The following COG3 variants were observed in gnomAD, a reference collection of about 807,000 sequenced individuals.
COG3 encodes component of oligomeric golgi complex 3.
COG3 carries 32 observed loss-of-function variants against 114.1 expected under a neutral mutation model. The observed-to-expected ratio is 0.28, with a 90% CI of 0.21 to 0.38. The LOEUF (loss-of-function observed/expected upper bound fraction) is 0.38. Among genes scored for constraint, COG3 ranks in the 10% least tolerant of loss-of-function variants. The pLI is 1.00. For synonymous variants in COG3, 352 were observed against 365.7 expected (o/e 0.96, Z 0.43); for missense variants, 813 against 973.2 (o/e 0.84, Z 2.19).
rs547890193 is a variant in COG3, at chr13:45,510,795, T to TA, written c.1720-969dup. Among the ~76,000 whole-genome samples the TA allele has an allele frequency of 7.1e-4, 108 of 152,326 alleles. 2 individuals carry two copies. The highest frequency in any genetic ancestry group is 2.5e-3 in the African/African-American group (105 of 41,564). On this transcript the variant is annotated intron_variant, in intron 15 of 22. Transcript: ENST00000349995. ...TGGGGAAAGACAATCCAGTGTAAAA[T>TA]ACGTTAAGGCTGAGCAAGGGAAGGC... is the stretch of plus-strand genomic sequence containing the variant.
At chr13:45,526,704 G>A (rs1180866109) in intron 20 of COG3, among the ~76,000 whole-genome samples, 1 of 152,204 alleles carries the variant, frequency 6.6e-6, no homozygotes, top group East Asian at 1.9e-4. Context: ...AAAACGTTGT[G>A]TGTGAAATAG....
rs576132230 is a variant in COG3 at position 45,476,457 on chromosome 13, TAA to T, written c.321+111_321+112del. 2.6e-4 allele frequency: 287 copies of T among 1,098,830 alleles called. 3 individuals carry two copies. The South Asian group carries it at 3.6e-3, about 14-fold the overall frequency. 68.1% of individuals were successfully genotyped at this position (1,098,830 alleles called of 1,614,324 possible). A position where few individuals can be genotyped will look rare whatever the true frequency, so the allele number is the denominator to read the frequency against. ...GAACATTTGTCACCATAATTAACAT[TAA>T]GTCTTTCTAGAACATTCTTGATTTT... is the stretch of plus-strand genomic sequence containing the variant. On this transcript the variant is annotated intron_variant, in intron 2 of 22. Transcript: ENST00000349995.
intron 14 of COG3, among the ~76,000 whole-genome samples, chr13:45,507,926 G>A (rs867565279): frequency 1.3e-5 from 2 of 151,310 alleles, no homozygotes; most frequent in Non-Finnish European, 2.9e-5. Flanking sequence ...AAAATTAGCC[G>A]GGTGTGGTGG....
At chr13:45,523,147 GTGTT>G (rs1420220856) in intron 19 of COG3, among the ~76,000 whole-genome samples, 2 of 72,284 alleles carry the variant, frequency 2.8e-5, no homozygotes, top group Admixed American at 1.9e-4. Context: ...AAGCTTAAAA[GTGTT>G]TTTTTTTTTT....
chr13:45,494,859 CTTTTCT>C (rs1348073361), intron 12 of COG3, among the ~76,000 whole-genome samples: 2 of 74,766 alleles, frequency 2.7e-5, no homozygotes, highest in African/African-American at 7.9e-5. Flanking sequence ...CTTTTTTTCT[CTTTTCT>C]TTTTTTTTTT....
chr13:45,534,632 C>T, intron 22 of COG3, 70 bp from the exon 23 acceptor site: 1 of 1,189,936 alleles, frequency 8.4e-7, no homozygotes, highest in Non-Finnish European at 1.2e-6. Context: ...TGGTTCCCCT[C>T]CCTCCTTGAC....
Position 45,518,990 on chromosome 13 carries a change from G to A in COG3, c.2050G>A (p.Asp684Asn), listed in dbSNP as rs760256007. Reference protein sequence around the residue: ...GTPEIREHYLDSKKDVDRHLK... With the variant: ...GTPEIREHYLNSKKDVDRHLK... ...TCCTGAGATAAGAGAACATTATCTT[G>A]ACTCTAAAAAAGACGTAGACCGTCA... The change falls in exon 19 of 23, where the codon GAC (aspartate) becomes AAC (asparagine). Residue 684 changes from aspartate (D) to asparagine (N), a missense_variant. Physicochemically the swap from Asp to Asn is conservative, Grantham distance 23. Coordinates refer to ENST00000349995, the MANE Select transcript of COG3 (RefSeq NM_031431.4). 6.2e-7 allele frequency: 1 copy of A among 1,614,070 alleles called. No homozygotes were observed. Among genetic ancestry groups the A allele is most frequent in the Non-Finnish European group, 8.5e-7 (1 of 1,179,956 alleles).
At chr13:45,466,824 C>T (rs952326030) in intron 1 of COG3, among the ~76,000 whole-genome samples, 7 of 152,178 alleles carry the variant, frequency 4.6e-5, no homozygotes, top group Non-Finnish European at 8.8e-5. Flanking sequence ...TGGAATCTTT[C>T]ATTTTCACCC....
At chr13:45,511,541 A>C (rs757823098) in intron 15 of COG3, among the ~76,000 whole-genome samples, 1 of 152,230 alleles carries the variant, frequency 6.6e-6, no homozygotes, top group Non-Finnish European at 1.5e-5. Context: ...ATATTTATTG[A>C]ATGGTCACAT....
chr13:45,526,823 T>C (rs1872743302), intron 20 of COG3, among the ~76,000 whole-genome samples: 1 of 152,188 alleles, frequency 6.6e-6, no homozygotes, highest in Admixed American at 6.5e-5. Flanking sequence ...CTAATCATAG[T>C]CTGACATAGT....
intron 12 of COG3, among the ~76,000 whole-genome samples, chr13:45,495,505 A>G (rs1221871184): frequency 1.3e-5 from 2 of 151,412 alleles, no homozygotes; most frequent in Non-Finnish European, 1.5e-5. Context: ...CCTCCCAAGT[A>G]GGTGAGATTA....
Position 45,526,076 on chromosome 13 carries a change from A to ATTTTTTTTTTTTTT in COG3, c.2230+1042_2230+1055dup, listed in dbSNP as rs386379016. Among the ~76,000 whole-genome samples the ATTTTTTTTTTTTTT allele has an allele frequency of 1.9e-3, 105 of 56,582 alleles. 22 individuals carry two copies. The highest frequency in any genetic ancestry group is 2.2e-3 in the African/African-American group (31 of 14,058). The allele number at this position is 56,582 out of a possible 152,430, so 37.1% of individuals were successfully genotyped here. A position where few individuals can be genotyped will look rare whatever the true frequency, so the allele number is the denominator to read the frequency against. On this transcript the variant is annotated intron_variant, in intron 20 of 22. Coordinates refer to ENST00000349995, the MANE Select transcript of COG3 (RefSeq NM_031431.4). ...GCTATTCAAAGCCTCCAAAATTTTA[A>ATTTTTTTTTTTTTT]TTTTTTTTTTTTTTTTTTTTTTTTT...
intron 14 of COG3, among the ~76,000 whole-genome samples, chr13:45,506,066 T>C (rs539928182): frequency 5.3e-5 from 2 of 37,976 alleles, no homozygotes; most frequent in African/African-American, 1.5e-4. Context: ...CTAGCTAACT[T>C]TTCTACTTTT....
At chr13:45,489,869 A>G (rs948342270) in intron 8 of COG3, among the ~76,000 whole-genome samples, 1 of 151,788 alleles carries the variant, frequency 6.6e-6, no homozygotes, top group Admixed American at 6.6e-5. Flanking sequence ...TAAATAGGCA[A>G]GACTAAAGAA....
intron 1 of COG3, among the ~76,000 whole-genome samples, chr13:45,473,440 G>A (rs368601049): frequency 3.9e-4 from 60 of 152,190 alleles, no homozygotes; most frequent in African/African-American, 1.4e-3. Flanking sequence ...CCAAATCTGA[G>A]CCATATCACC....
intron 1 of COG3, among the ~76,000 whole-genome samples, chr13:45,473,284 C>G (rs1199227362): frequency 6.6e-6 from 1 of 152,164 alleles, no homozygotes; most frequent in Admixed American, 6.5e-5. Context: ...TTTTTATCTA[C>G]TTGGTTACTC....
At chr13:45,511,195 G>A (rs1390798849) in intron 15 of COG3, among the ~76,000 whole-genome samples, 6 of 150,564 alleles carry the variant, frequency 4.0e-5, no homozygotes, top group Admixed American at 6.6e-5. Context: ...GAATTTCACC[G>A]CCTCCTTCAG....
rs1222871955 is a variant in COG3 at position 45,534,713 on chromosome 13, G to C, written c.2469G>C (p.Leu823=). The change falls in exon 23 of 23, where the codon CTG becomes CTC. Residue 823 remains leucine, a synonymous_variant. Transcript: ENST00000349995. Reference sequence around the variant, plus strand: ...ATTTTGCTTTTCAGCTGAGCCTTCTGCTGTTGGTTTCTAAATAAGCAGGCC... The same window carrying C: ...ATTTTGCTTTTCAGCTGAGCCTTCTCCTGTTGGTTTCTAAATAAGCAGGCC... The part of the protein sequence containing the change: ...ACPSMEQLSL[L]LLVSK The C allele has an allele frequency of 1.9e-6, 3 of 1,566,266 alleles. No homozygotes were observed. The highest frequency in any genetic ancestry group is 2.6e-6 in the Non-Finnish European group (3 of 1,154,670).
intron 22 of COG3, chr13:45,531,095 A>G (rs964006900): frequency 1.0e-6 from 1 of 992,802 alleles, no homozygotes; most frequent in East Asian, 9.3e-5. Context: ...ATTTTGTTTG[A>G]AATATGCATA....
Sources: gnomAD v4.1 joint callset for allele counts (sites outside exome capture counted in the v4.1 genomes callset) on GRCh38, gnomAD v4.1.1 for gene constraint, MANE v1.5 for transcripts, NCBI Gene and HGNC (gene_info 2026-07-23, HGNC 2026-07-21) for gene names.